POLR3B: variants seen among roughly 807,000 people sequenced by gnomAD.
POLR3B encodes the protein RNA polymerase III subunit B.
POLR3B carries 96 observed loss-of-function variants against 147.4 expected under a neutral mutation model. That is an observed-to-expected ratio of 0.65 (90% CI 0.55 to 0.77). The LOEUF (loss-of-function observed/expected upper bound fraction) is 0.77, where lower values mean the gene tolerates loss of function less well. POLR3B is among the 30% of genes least tolerant of loss of function. The pLI is 0.00. For missense variants in POLR3B, 1,036 were observed against 1,413.5 expected, an observed-to-expected ratio of 0.73 and a Z score of 4.28; for synonymous variants, 461 against 485.9, an observed-to-expected ratio of 0.95 and a Z score of 0.67.
At chr12:106,432,286 A>G (rs2037520843) in intron 14 of POLR3B, 32 bp from the exon 15 acceptor site, 1 of 1,603,796 alleles carries the variant, frequency 6.2e-7, no homozygotes. Context: ...ACTAATGTTC[A>G]TTCTTAGAAA....
intron 23 of POLR3B, among the ~76,000 whole-genome samples, chr12:106,488,067 C>T (rs181053837): frequency 1.3e-3 from 199 of 152,274 alleles, no homozygotes; most frequent in Middle Eastern, 3.4e-3. Context: ...TAATGAGGAA[C>T]CATGTTTTGT....
intron 9 of POLR3B, among the ~76,000 whole-genome samples, chr12:106,387,768 A>C (rs947661067): frequency 2.0e-5 from 3 of 152,222 alleles, no homozygotes; most frequent in African/African-American, 7.2e-5. Flanking sequence ...GACCTTGGGC[A>C]TATTTTCCAG....
intron 27 of POLR3B, among the ~76,000 whole-genome samples, chr12:106,505,516 G>A (rs994498307): frequency 1.3e-5 from 2 of 152,020 alleles, no homozygotes; most frequent in African/African-American, 4.8e-5. Context: ...TCAAACTCCT[G>A]GGCTCAAGTG....
chr12:106,362,147 C>T (rs565431506), intron 1 of POLR3B, among the ~76,000 whole-genome samples: 3 of 152,014 alleles, frequency 2.0e-5, no homozygotes, highest in African/African-American at 4.8e-5. Context: ...TTTGAATACT[C>T]GTTTTAAATA....
intron 25 of POLR3B, among the ~76,000 whole-genome samples, chr12:106,499,332 T>C (rs943805972): frequency 6.6e-6 from 1 of 152,200 alleles, no homozygotes; most frequent in Non-Finnish European, 1.5e-5. Flanking sequence ...ATGGGTTATA[T>C]CCTGCTTGCC....
At chr12:106,449,957 A>G (rs2037775741) in intron 19 of POLR3B, among the ~76,000 whole-genome samples, 1 of 152,236 alleles carries the variant, frequency 6.6e-6, no homozygotes, top group Non-Finnish European at 1.5e-5. Context: ...TTTGAAACAA[A>G]GAATAAGTTG....
intron 27 of POLR3B, among the ~76,000 whole-genome samples, chr12:106,507,294 T>C (rs2038703176): frequency 6.6e-6 from 1 of 152,174 alleles, no homozygotes; most frequent in South Asian, 2.1e-4. Flanking sequence ...AGATACAAGG[T>C]AAGGTAAGGT....
intron 16 of POLR3B, among the ~76,000 whole-genome samples, chr12:106,435,622 T>C (rs184148747): frequency 6.6e-6 from 1 of 152,300 alleles, no homozygotes; most frequent in East Asian, 1.9e-4. Context: ...TCAGCCTTGG[T>C]TTCCTTGGCT....
At chr12:106,361,441 CTTAA>C (rs1292653092) in intron 1 of POLR3B, among the ~76,000 whole-genome samples, 1 of 152,100 alleles carries the variant, frequency 6.6e-6, no homozygotes, top group Admixed American at 6.5e-5. Flanking sequence ...ACATACTGAT[CTTAA>C]GTAGCCTCTG....
At chr12:106,383,999 A>G (rs111718247) in intron 9 of POLR3B, among the ~76,000 whole-genome samples, 2 of 151,762 alleles carry the variant, frequency 1.3e-5, no homozygotes, top group African/African-American at 4.9e-5. Flanking sequence ...AGAGAGAGAA[A>G]AAAAAAAAGA....
At chr12:106,395,869 C>A (rs2036972044) in intron 10 of POLR3B, among the ~76,000 whole-genome samples, 1 of 152,092 alleles carries the variant, frequency 6.6e-6, no homozygotes, top group African/African-American at 2.4e-5. Context: ...ACTCGGGAGG[C>A]TGAATCAGGA....
chr12:106,409,355 G>GT (rs1164848244), intron 11 of POLR3B, among the ~76,000 whole-genome samples: 12 of 123,094 alleles, frequency 9.7e-5, no homozygotes, highest in Non-Finnish European at 1.9e-4. Context: ...GGTTTTTTTT[G>GT]TTTTTTTTTT....
intron 23 of POLR3B, among the ~76,000 whole-genome samples, chr12:106,494,725 G>A (rs2038453687): frequency 6.6e-6 from 1 of 152,162 alleles, no homozygotes; most frequent in Non-Finnish European, 1.5e-5. Context: ...TTGAAATAAA[G>A]TGAACTGAAT....
intron 23 of POLR3B, among the ~76,000 whole-genome samples, chr12:106,471,475 C>T (rs997664722): frequency 2.6e-5 from 4 of 152,146 alleles, no homozygotes; most frequent in African/African-American, 9.7e-5. Context: ...GGTGCACCCA[C>T]TGTCCAGCCA....
chr12:106,472,516 C>T (rs890407681), intron 23 of POLR3B, among the ~76,000 whole-genome samples: 26 of 150,802 alleles, frequency 1.7e-4, no homozygotes, highest in Admixed American at 9.3e-4. Context: ...ACATCCTCTC[C>T]AGCACCTGTT....
At chr12:106,365,425 G>T (rs2036521257) in intron 2 of POLR3B, among the ~76,000 whole-genome samples, 1 of 152,122 alleles carries the variant, frequency 6.6e-6, no homozygotes, top group Non-Finnish European at 1.5e-5. Context: ...TTGCTACATT[G>T]CCCAGGCTGG....
intron 12 of POLR3B, among the ~76,000 whole-genome samples, chr12:106,423,435 C>T (rs2037396760): frequency 6.6e-6 from 1 of 152,030 alleles, no homozygotes; most frequent in African/African-American, 2.4e-5. Context: ...AGAGAAGTCC[C>T]ACAATGTGCT....
chr12:106,435,012 A>G (rs1413639900), intron 16 of POLR3B, among the ~76,000 whole-genome samples: 1 of 152,186 alleles, frequency 6.6e-6, no homozygotes, highest in Non-Finnish European at 1.5e-5. Context: ...TCCCAGTGCT[A>G]CATGCAAGAG....
chr12:106,508,609 C>A (rs1032981683), intron 27 of POLR3B, among the ~76,000 whole-genome samples: 1 of 152,224 alleles, frequency 6.6e-6, no homozygotes, highest in Non-Finnish European at 1.5e-5. Flanking sequence ...GACCCTTCTA[C>A]AGTTGTAGCC....
Sources: allele counts gnomAD v4.1 joint callset (sites outside exome capture counted in the v4.1 genomes callset), GRCh38; gene constraint gnomAD v4.1.1; transcripts MANE v1.5; gene names NCBI Gene and HGNC (gene_info 2026-07-23, HGNC 2026-07-21).